SPTLC2: variants seen among roughly 807,000 people sequenced by gnomAD.
SPTLC2 encodes serine palmitoyltransferase 2.
A neutral mutation model predicts 62.0 loss-of-function variants in SPTLC2; 21 were observed. That is an observed-to-expected ratio of 0.34 (90% CI 0.24 to 0.49). SPTLC2 has a LOEUF of 0.49. SPTLC2 is among the 20% of genes least tolerant of loss of function. The pLI, the probability that SPTLC2 is intolerant of heterozygous loss-of-function variation, is 0.99. For missense variants in SPTLC2, 511 were observed against 713.0 expected, an observed-to-expected ratio of 0.72 and a Z score of 3.23; for synonymous variants, 261 against 261.8, an observed-to-expected ratio of 1.00 and a Z score of 0.03.
At chr14:77,613,197 A>G (rs2079947235) in intron 1 of SPTLC2, among the ~76,000 whole-genome samples, 1 of 152,220 alleles carries the variant, frequency 6.6e-6, no homozygotes, top group Non-Finnish European at 1.5e-5. Context: ...ATAGAGAAAA[A>G]CTTGCTGCAA....
chr14:77,593,293 T>A lies in SPTLC2; in HGVS notation c.327+3893A>T, dbSNP rs534613560. 1.6e-4 allele frequency among the ~76,000 whole-genome samples: 25 copies of A among 152,292 alleles called. 1 individual carries two copies. In the East Asian group the frequency reaches 4.4e-3, roughly 27 times the overall value. On this transcript the variant is annotated intron_variant, in intron 2 of 11. Coordinates refer to ENST00000216484, the MANE Select transcript of SPTLC2 (RefSeq NM_004863.4). ...GCTATTTCCTATCTAAATATTAGAA[T>A]ATTTTTTTCTGAATTAAATTTTTTC...
In SPTLC2 at chr14:77,555,423, G is replaced by A. The variant is rs563926907; in HGVS notation, c.1053C>T (p.Ala351=). The change falls in exon 8 of 12, where the codon GCC becomes GCT. Residue 351 remains alanine, a synonymous_variant. Transcript: ENST00000216484. ...LYLDEAHSIG[A]LGPTGRGVVE... is the part of the protein sequence containing the mutation. Reference sequence around the variant, plus strand: ...CCACACCCCGGCCTGTGGGGCCCAGGGCGCCAATGCTGTGAGCCTCATCCA... The same window carrying A: ...CCACACCCCGGCCTGTGGGGCCCAGAGCGCCAATGCTGTGAGCCTCATCCA... 2.5e-6 allele frequency: 4 copies of A among 1,614,124 alleles called. No homozygotes were observed. The highest frequency in any genetic ancestry group is 4.5e-5 in the East Asian group (2 of 44,878).
At chr14:77,582,346 G>A (rs150716912) in intron 2 of SPTLC2, among the ~76,000 whole-genome samples, 81 of 152,172 alleles carry the variant, frequency 5.3e-4, no homozygotes, top group African/African-American at 1.8e-3. Flanking sequence ...GAGCTATGGC[G>A]CCCGGCCAAT....
chr14:77,616,396 C>T, intron 1 of SPTLC2, 52 bp downstream of exon 1: 2 of 1,179,170 alleles, frequency 1.7e-6, no homozygotes, highest in Non-Finnish European at 2.2e-6. Flanking sequence ...CCCGGCCGCC[C>T]CTCCGCCAGT....
chr14:77,538,015 T>A (rs1263961090), intron 9 of SPTLC2, among the ~76,000 whole-genome samples: 1 of 152,190 alleles, frequency 6.6e-6, no homozygotes, highest in Non-Finnish European at 1.5e-5. Flanking sequence ...AATTCTCCAT[T>A]TTCTATTTCC....
At chr14:77,610,355 TG>T (rs1476233282) in intron 1 of SPTLC2, among the ~76,000 whole-genome samples, 1 of 152,208 alleles carries the variant, frequency 6.6e-6, no homozygotes, top group African/African-American at 2.4e-5. Context: ...TTGGCCAGGC[TG>T]GTCTCAAACT....
intron 1 of SPTLC2, among the ~76,000 whole-genome samples, 194 bp downstream of exon 1, chr14:77,616,254 G>A (rs1301671390): frequency 1.3e-5 from 2 of 152,158 alleles, no homozygotes; most frequent in African/African-American, 2.4e-5. Flanking sequence ...CGGAGAGGTG[G>A]GGAGCCCCCG....
In SPTLC2 at chr14:77,509,771, T is replaced by C; in HGVS notation, c.*2513A>G. 1 of 397,390 alleles carries C rather than the reference T, an allele frequency of 2.5e-6. No individual in the cohort carries two copies. The highest frequency in any genetic ancestry group is 4.4e-6 in the Non-Finnish European group (1 of 225,522). 24.6% of individuals were successfully genotyped at this position (397,390 alleles called of 1,614,324 possible). Reference sequence around the variant, plus strand: ...AACCATGTATAATGTCTACATAACATTTTGTTCTTTAGAAAGTACAGAGGT... The same window carrying C: ...AACCATGTATAATGTCTACATAACACTTTGTTCTTTAGAAAGTACAGAGGT... On this transcript the variant is annotated 3_prime_UTR_variant, in exon 12 of 12. Transcript: ENST00000216484.
At chr14:77,561,312 G>A (rs548389333) in intron 6 of SPTLC2, among the ~76,000 whole-genome samples, 3 of 152,016 alleles carry the variant, frequency 2.0e-5, no homozygotes, top group Non-Finnish European at 2.9e-5. Context: ...AACAATCACC[G>A]TGTATTGTAA....
intron 3 of SPTLC2, among the ~76,000 whole-genome samples, chr14:77,577,429 A>G (rs2140039573): frequency 6.6e-6 from 1 of 152,292 alleles, no homozygotes; most frequent in Middle Eastern, 3.4e-3. Context: ...TGAAGTATCG[A>G]TAAGGATAAA....
intron 1 of SPTLC2, among the ~76,000 whole-genome samples, chr14:77,608,239 C>T (rs2079915450): frequency 6.6e-6 from 1 of 152,184 alleles, no homozygotes; most frequent in Admixed American, 6.5e-5. Flanking sequence ...TTGTTTTAAA[C>T]CACTTGCAAA....
intron 1 of SPTLC2, among the ~76,000 whole-genome samples, chr14:77,612,626 A>G (rs1251575369): frequency 6.6e-6 from 1 of 152,218 alleles, no homozygotes; most frequent in Non-Finnish European, 1.5e-5. Context: ...TAGCCTCATA[A>G]CTATCGTCTC....
chr14:77,583,253 T>A (rs11159281), intron 2 of SPTLC2, among the ~76,000 whole-genome samples: 58,161 of 143,410 alleles, frequency 0.41, 11,437 homozygotes, highest in Non-Finnish European at 0.43. Flanking sequence ...ATAATAATTT[T>A]AAAAAAGATG....
In SPTLC2 at chr14:77,533,227, G is replaced by C. The variant is rs931037665; in HGVS notation, c.1304-11646C>G. ...AGTCAGAAGAATTGCTTGAACCCAG[G>C]AGGCAGAGGTTGCAGTGAGCCAAGA... On this transcript the variant is annotated intron_variant, in intron 9 of 11. Coordinates refer to ENST00000216484, the MANE Select transcript of SPTLC2 (RefSeq NM_004863.4). 1.9e-4 allele frequency among the ~76,000 whole-genome samples: 28 copies of C among 151,224 alleles called. 1 individual carries two copies. The highest frequency in any genetic ancestry group is 3.3e-4 in the Admixed American group (5 of 15,190).
chr14:77,549,741 A>G (rs1399191978), intron 9 of SPTLC2, among the ~76,000 whole-genome samples: 1 of 152,218 alleles, frequency 6.6e-6, no homozygotes, highest in Non-Finnish European at 1.5e-5. Flanking sequence ...GGCAAAAACT[A>G]GAAAACTTGT....
chr14:77,579,093 T>C lies in SPTLC2; in HGVS notation c.344A>G (p.Tyr115Cys). Reference protein sequence around the residue: ...REEQKDFVSLYQDFENFYTRN... With the variant: ...REEQKDFVSLCQDFENFYTRN... ...TGTATAAAAGTTTTCAAAATCTTGA[T>C]ACAATGACACAAAGTCCTGCCAAGA... Residue 115 changes from tyrosine (Y) to cysteine (C), a missense_variant, in exon 3 of 12, where the codon TAT becomes TGT. Coordinates refer to ENST00000216484, the MANE Select transcript of SPTLC2 (RefSeq NM_004863.4). The C allele has an allele frequency of 6.2e-7, 1 of 1,614,130 alleles. No homozygotes were observed. The highest frequency in any genetic ancestry group is 8.5e-7 in the Non-Finnish European group (1 of 1,179,994).
intron 9 of SPTLC2, among the ~76,000 whole-genome samples, chr14:77,528,852 T>C (rs1458455826): frequency 6.6e-6 from 1 of 152,218 alleles, no homozygotes; most frequent in Admixed American, 6.5e-5. Flanking sequence ...GTTTGTTTTT[T>C]GAGACAGAGT....
intron 1 of SPTLC2, among the ~76,000 whole-genome samples, chr14:77,603,296 C>T (rs985204748): frequency 6.6e-6 from 1 of 152,216 alleles, no homozygotes; most frequent in African/African-American, 2.4e-5. Context: ...TGTGAACCAC[C>T]CATTATTCTT....
intron 9 of SPTLC2, among the ~76,000 whole-genome samples, chr14:77,529,340 G>A (rs1263353501): frequency 6.9e-6 from 1 of 145,722 alleles, no homozygotes; most frequent in Non-Finnish European, 1.5e-5. Flanking sequence ...TCCACTGATA[G>A]AAATAAACTT....
Sources: allele counts gnomAD v4.1 joint callset (sites outside exome capture counted in the v4.1 genomes callset), GRCh38; gene constraint gnomAD v4.1.1; transcripts MANE v1.5; gene names NCBI Gene and HGNC (gene_info 2026-07-23, HGNC 2026-07-21).